COL16A1: variants seen among roughly 807,000 people sequenced by gnomAD.
COL16A1 encodes the protein collagen type XVI alpha 1 chain, also known as collagen alpha-1(XVI) chain.
COL16A1 carries 189 observed loss-of-function variants against 266.3 expected under a neutral mutation model. The ratio of observed to expected loss-of-function variants is 0.71; its 90% CI spans 0.63 to 0.80. The LOEUF is 0.80. COL16A1 is among the 30% of genes least tolerant of loss of function. The pLI is 0.00. For synonymous variants in COL16A1, 740 were observed against 782.3 expected (o/e 0.95, Z 0.90); for missense variants, 1,928 against 2,122.4 (o/e 0.91, Z 1.80).
At position 31,656,357 on chromosome 1, in the gene COL16A1, A is replaced by G. The variant is rs780274595; in HGVS notation, c.4101+43T>C. 1.2e-6 allele frequency: 2 copies of G among 1,606,392 alleles called. No individual in the cohort carries two copies. The highest frequency in any genetic ancestry group is 1.7e-6 in the Non-Finnish European group (2 of 1,177,006). On this transcript the variant is annotated intron_variant, in intron 66 of 70. Coordinates refer to ENST00000373672, the MANE Select transcript of COL16A1 (RefSeq NM_001856.4). The surrounding 1 kb of genome is among the most constrained non-coding windows in gnomAD (Gnocchi z 4.2). ...CGTAACTTGCAGCTGGGCTTCATCC[A>G]CTCGTGAGCTTCTCCTCTCAAGCCC...
At chr1:31,658,269 C>T (rs1026417190) in intron 64 of COL16A1, among the ~76,000 whole-genome samples, 3 of 152,318 alleles carry the variant, frequency 2.0e-5, no homozygotes, top group Middle Eastern at 3.4e-3. Flanking sequence ...GCTGAGGCAC[C>T]GTCATGGGCA....
Position 31,695,796 on chromosome 1 carries a change from AG to A in COL16A1, c.919-10del, listed in dbSNP as rs1354769805. 2 of 1,543,812 alleles carry A rather than the reference AG, an allele frequency of 1.3e-6. No individual in the cohort carries two copies. The highest frequency in any genetic ancestry group is 1.8e-6 in the Non-Finnish European group (2 of 1,116,754). ...GCTGTCTCCTGATGGACCTGAGGAA[AG>A]GGTGGGGGGTGTGGGAATGGGCAGG... On this transcript the variant is annotated splice_polypyrimidine_tract_variant and intron_variant, in intron 9 of 70. Transcript: ENST00000373672.
Position 31,668,808 on chromosome 1 carries a change from C to T in COL16A1, c.3243G>A (p.Gly1081=). The T allele has an allele frequency of 6.2e-7, 1 of 1,613,896 alleles. No individual in the cohort carries two copies. The highest frequency in any genetic ancestry group is 8.5e-7 in the Non-Finnish European group (1 of 1,179,954). ...CCTGCCAGCTTCTTCTTACCGGCTCCCCCTTGTCTCCAGTCAGGCCCGTGA... is the reference window on the plus strand; with the variant it reads ...CCTGCCAGCTTCTTCTTACCGGCTCTCCCTTGTCTCCAGTCAGGCCCGTGA... ...RGLTGLTGDK[G]EPGPPGQPGY... is the part of the protein sequence containing the mutation. The change falls in exon 50 of 71, where the codon GGG becomes GGA. Residue 1081 remains glycine, a synonymous_variant. Transcript: ENST00000373672. The surrounding 1 kb of genome is among the most constrained non-coding windows in gnomAD (Gnocchi z 5.8).
intron 57 of COL16A1, 72 bp downstream of exon 57, chr1:31,662,513 GCA>G (rs893720490): frequency 2.0e-5 from 31 of 1,543,336 alleles, no homozygotes; most frequent in Middle Eastern, 2.0e-4. Flanking sequence ...ACACACAGGT[GCA>G]CACACACACA....
rs995290122 is a variant in COL16A1 at position 31,665,583 on chromosome 1, C to T, written c.3492G>A (p.Pro1164=). 9.3e-6 allele frequency: 15 copies of T among 1,614,070 alleles called. No individual in the cohort carries two copies. Among genetic ancestry groups the T allele is most frequent in the African/African-American group, 8.0e-5 (6 of 74,944 alleles). ...FQGQPGFPGP[P]GPPGFPGKVG... ...CTGGCTTTGTGTCTTCTTCACTCACCGGTGGGCCCGGAAAGCCTGGCTGGC... is the reference window on the plus strand; with the variant it reads ...CTGGCTTTGTGTCTTCTTCACTCACTGGTGGGCCCGGAAAGCCTGGCTGGC... Residue 1164 remains proline (P), a splice_region_variant and synonymous_variant, in exon 55 of 71, where the codon CCG becomes CCA. Coordinates refer to ENST00000373672, the MANE Select transcript of COL16A1 (RefSeq NM_001856.4).
rs1640867056 is a variant in COL16A1, at chr1:31,653,927, A to G, written c.4474T>C (p.Ser1492Pro). ...GAPGRPGAPG[S>P]PGLPGQIGRE... ...CCAATCTGACCAGGGAGCCCAGGTG[A>G]CCCTGGAGCACCTGGCCTGCCCGGA... The change falls in exon 69 of 71, where the codon TCA (serine) becomes CCA (proline). Residue 1492 changes from serine to proline, a missense_variant. Physicochemically the swap from Ser to Pro is moderately conservative, Grantham distance 74 (BLOSUM62 -1). This residue lies in a region of COL16A1 where 376 missense variants were observed against 485.2 expected (regional missense o/e 0.77). Coordinates refer to ENST00000373672, the MANE Select transcript of COL16A1 (RefSeq NM_001856.4). 2 of 1,613,884 alleles carry G rather than the reference A, an allele frequency of 1.2e-6. No individual in the cohort carries two copies. Among genetic ancestry groups the G allele is most frequent in the Non-Finnish European group, 1.7e-6 (2 of 1,179,972 alleles).
intron 13 of COL16A1, 93 bp from the exon 14 acceptor site, chr1:31,692,901 C>T: frequency 8.1e-7 from 1 of 1,234,364 alleles, no homozygotes. Context: ...ACCCCATAGT[C>T]CTAAGTATCC....
rs772872760 is a variant in COL16A1, at chr1:31,688,944, CCGAG to C, written c.1680_1683del (p.Ser560ArgfsTer3). 1.2e-6 allele frequency: 2 copies of C among 1,614,138 alleles called. No individual in the cohort carries two copies. Among genetic ancestry groups the C allele is most frequent in the South Asian group, 2.2e-5 (2 of 91,080 alleles). On this transcript the variant is annotated frameshift_variant, in exon 25 of 71. Transcript: ENST00000373672. LOFTEE classifies it high-confidence loss of function. The surrounding 1 kb of genome is among the most constrained non-coding windows in gnomAD (Gnocchi z 4.9). ...GACACAAGATGCTGGGCCCCTACAA[CCGAG>C]CTGCAGGACAAGCAGGGCTCCCCCT...
At position 31,697,227 on chromosome 1, in the gene COL16A1, G is replaced by A. The variant is rs754658029; in HGVS notation, c.731C>T (p.Pro244Leu). 8 of 1,613,124 alleles carry A rather than the reference G, an allele frequency of 5.0e-6. No homozygotes were observed. The South Asian group carries it at 5.5e-5, about 11-fold the overall frequency. ...AAGGGCCGGGCCACTCACCCCTGCT[G>A]GTAAAATCTCACAGCAGCCCTCCTC... is the stretch of plus-strand genomic sequence containing the variant. ...VLEEGCCEIL[P>L]AGCPPETSKA... Residue 244 changes from proline (P) to leucine (L), a missense_variant, in exon 7 of 71, where the codon CCA (proline) becomes CTA (leucine). Coordinates refer to ENST00000373672, the MANE Select transcript of COL16A1 (RefSeq NM_001856.4). The surrounding 1 kb of genome is among the most constrained non-coding windows in gnomAD (Gnocchi z 4.2).
intron 51 of COL16A1, 98 bp from the exon 52 acceptor site, chr1:31,667,726 G>C: frequency 8.3e-7 from 1 of 1,197,920 alleles, no homozygotes; most frequent in African/African-American, 1.5e-5. Context: ...ACCCAGACTG[G>C]CTCTGGGGGA....
chr1:31,693,998 CT>C, intron 12 of COL16A1, 145 bp downstream of exon 12: 1 of 697,042 alleles, frequency 1.4e-6, no homozygotes, highest in Non-Finnish European at 2.4e-6. Context: ...CCCCTGCTTT[CT>C]TTACCACGCA....
chr1:31,675,096 A>T, intron 43 of COL16A1, 57 bp from the exon 44 acceptor site: 1 of 1,612,154 alleles, frequency 6.2e-7, no homozygotes, highest in Non-Finnish European at 8.5e-7. Flanking sequence ...ATGGAGACTT[A>T]TGGGATCAGG....
intron 13 of COL16A1, 41 bp downstream of exon 13, chr1:31,693,051 G>T (rs369167152): frequency 7.3e-7 from 1 of 1,366,250 alleles, no homozygotes; most frequent in Admixed American, 1.7e-5. Flanking sequence ...CCAGGGCACA[G>T]CTGGCAAAGG....
Position 31,664,689 on chromosome 1 carries a change from G to A in COL16A1, c.3555+483C>T, listed in dbSNP as rs903430679. ...ACCAGGCAGGACACGGGCCACCCCT[G>A]CCCTCTCTGGGCCCTTGGGGACAAC... is the stretch of plus-strand genomic sequence containing the variant. On this transcript the variant is annotated intron_variant, in intron 56 of 70. Coordinates refer to ENST00000373672, the MANE Select transcript of COL16A1 (RefSeq NM_001856.4). The surrounding 1 kb of genome is among the most constrained non-coding windows in gnomAD (Gnocchi z 5.5). Among the ~76,000 whole-genome samples, 2 of 152,154 alleles carry A rather than the reference G, an allele frequency of 1.3e-5. No individual in the cohort carries two copies. The highest frequency in any genetic ancestry group is 4.8e-5 in the African/African-American group (2 of 41,440).
rs1557677724 is a variant in COL16A1, at chr1:31,689,219, C to T, written c.1621-134G>A. ...CCTAGGGGTCCCATGGGGTCCAAGGCCAGCACCCCAGAGGCAGGGTTCATC... is the reference window on the plus strand; with the variant it reads ...CCTAGGGGTCCCATGGGGTCCAAGGTCAGCACCCCAGAGGCAGGGTTCATC... On this transcript the variant is annotated intron_variant, in intron 23 of 70. Coordinates refer to ENST00000373672, the MANE Select transcript of COL16A1 (RefSeq NM_001856.4). 8 of 1,405,600 alleles carry T rather than the reference C, an allele frequency of 5.7e-6. No individual in the cohort carries two copies. The East Asian group carries it at 2.0e-4, about 34-fold the overall frequency. 87.1% of individuals were successfully genotyped at this position (1,405,600 alleles called of 1,614,324 possible). A position where few individuals can be genotyped will look rare whatever the true frequency, so the allele number is the denominator to read the frequency against.
In COL16A1 at chr1:31,689,555, C is replaced by G. The variant is rs55915600; in HGVS notation, c.1620+186G>C. 10,661 of 616,046 alleles carry G rather than the reference C, an allele frequency of 0.017. 833 individuals carry two copies. In the African/African-American group the frequency reaches 0.17, roughly 10 times the overall value. 38.2% of individuals were successfully genotyped at this position (616,046 alleles called of 1,614,324 possible). ...TGCCATGGAGACCGGAGGTGGCACTCTAGCCCAGCCCTGAGTTCTATGGTT... is the reference window on the plus strand; with the variant it reads ...TGCCATGGAGACCGGAGGTGGCACTGTAGCCCAGCCCTGAGTTCTATGGTT... On this transcript the variant is annotated intron_variant, in intron 23 of 70. Coordinates refer to ENST00000373672, the MANE Select transcript of COL16A1 (RefSeq NM_001856.4).
chr1:31,693,800 C>T (rs1443475525), intron 12 of COL16A1, among the ~76,000 whole-genome samples: 2 of 152,130 alleles, frequency 1.3e-5, no homozygotes, highest in South Asian at 4.1e-4. Context: ...TCTAACACAC[C>T]CTGTCAGACA....
chr1:31,687,737 A>G (rs1222505972), intron 26 of COL16A1, among the ~76,000 whole-genome samples: 1 of 150,590 alleles, frequency 6.6e-6, no homozygotes, highest in African/African-American at 2.5e-5. Context: ...AAGAGGCGGC[A>G]GGTGGGGTGG....
intron 26 of COL16A1, among the ~76,000 whole-genome samples, chr1:31,687,533 C>T (rs780425235): frequency 5.3e-5 from 8 of 151,290 alleles, no homozygotes; most frequent in African/African-American, 1.2e-4. Context: ...GCCATGGGGA[C>T]GCAGATTACT....
Sources: gnomAD v4.1 joint callset for allele counts (sites outside exome capture counted in the v4.1 genomes callset) on GRCh38, gnomAD v4.1.1 for gene constraint, gnomAD v4.1.1 regional missense constraint, Gnocchi (gnomAD v3.1) non-coding constraint, MANE v1.5 for transcripts, NCBI Gene and HGNC (gene_info 2026-07-23, HGNC 2026-07-21) for gene names.